The following PTPRK variants were observed in gnomAD, a reference collection of about 807,000 sequenced individuals.
PTPRK encodes receptor-type tyrosine-protein phosphatase kappa.
In PTPRK, 75 loss-of-function variants were observed where a neutral mutation model predicts 178.0. The ratio of observed to expected loss-of-function variants is 0.42; its 90% CI spans 0.35 to 0.51. The LOEUF is 0.51. Ranked by LOEUF, PTPRK falls within the 20% of genes least tolerant of loss-of-function variation. PTPRK has a pLI of 0.02. For missense variants in PTPRK, 1,441 were observed against 1,797.8 expected (o/e 0.80, Z 3.59); for synonymous variants, 637 against 620.6 (o/e 1.03, Z -0.39).
At chr6:127,992,173 C>T (rs1337330397) in intron 19 of PTPRK, among the ~76,000 whole-genome samples, 1 of 151,734 alleles carries the variant, frequency 6.6e-6, no homozygotes, top group Non-Finnish European at 1.5e-5. Context: ...AACAAGATCT[C>T]TCTACTGTCT....
At chr6:128,496,448 G>A (rs1203343345) in intron 1 of PTPRK, among the ~76,000 whole-genome samples, 4 of 152,002 alleles carry the variant, frequency 2.6e-5, no homozygotes, top group Non-Finnish European at 4.4e-5. Flanking sequence ...ATGGTTCCTC[G>A]CAGAATGTTG....
chr6:128,161,840 C>CA (rs1304530249), intron 7 of PTPRK, among the ~76,000 whole-genome samples: 1 of 151,162 alleles, frequency 6.6e-6, no homozygotes, highest in Non-Finnish European at 1.5e-5. Context: ...CAATTTAAAA[C>CA]AAAAAAATAA....
intron 11 of PTPRK, among the ~76,000 whole-genome samples, chr6:128,074,116 G>C (rs973822794): frequency 3.9e-5 from 6 of 151,902 alleles, no homozygotes; most frequent in Non-Finnish European, 5.9e-5. Flanking sequence ...TGGTGGTTTT[G>C]ACTTTATTTC....
intron 3 of PTPRK, among the ~76,000 whole-genome samples, chr6:128,299,098 C>T (rs1032038291): frequency 1.3e-5 from 2 of 152,142 alleles, no homozygotes; most frequent in Non-Finnish European, 2.9e-5. Context: ...AGAGCCAAAT[C>T]ATGAGTGAAC....
chr6:128,236,473 C>T (rs756210618), intron 5 of PTPRK, among the ~76,000 whole-genome samples: 11 of 151,416 alleles, frequency 7.3e-5, no homozygotes, highest in African/African-American at 2.2e-4. Context: ...CTCAGCCTGC[C>T]GAGTAGCTGG....
chr6:128,457,303 A>C (rs1485539283), intron 1 of PTPRK, among the ~76,000 whole-genome samples: 1 of 152,108 alleles, frequency 6.6e-6, no homozygotes, highest in East Asian at 1.9e-4. Context: ...TCTTTTATTC[A>C]CTTGATTATG....
intron 7 of PTPRK, among the ~76,000 whole-genome samples, chr6:128,092,072 T>C (rs1215309139): frequency 6.6e-6 from 1 of 152,194 alleles, no homozygotes; most frequent in Non-Finnish European, 1.5e-5. Flanking sequence ...TAAAAACTCA[T>C]TTAAAATTGG....
chr6:128,088,508 T>A (rs1042967460), intron 8 of PTPRK, among the ~76,000 whole-genome samples: 1 of 152,188 alleles, frequency 6.6e-6, no homozygotes, highest in African/African-American at 2.4e-5. Flanking sequence ...AACTGACTCC[T>A]AATTTAGCTT....
In PTPRK at chr6:127,995,510, G is replaced by C; in HGVS notation, c.2796C>G (p.Pro932=). Residue 932 remains proline (P), a synonymous_variant, in exon 18 of 30, where the codon CCC becomes CCG. Transcript: ENST00000368226. ...AYDHSRVILQ[P]VEDDPSSDYI... The stretch of plus-strand genomic sequence containing the variant: ...AATCTGAGGAAGGATCATCCTCTAC[G>C]GGTTGCAAAATCACTCTGGAGTGAT... The C allele has an allele frequency of 6.3e-7, 1 of 1,597,496 alleles. No homozygotes were observed.
intron 7 of PTPRK, among the ~76,000 whole-genome samples, chr6:128,134,083 AAATAT>A (rs1159399384): frequency 1.3e-5 from 2 of 152,224 alleles, no homozygotes; most frequent in Non-Finnish European, 2.9e-5. Flanking sequence ...AATATCAAAT[AAATAT>A]ATTTACCAAT....
intron 1 of PTPRK, 79 bp from the exon 2 acceptor site, chr6:128,397,767 T>C (rs1210547467): frequency 1.0e-5 from 14 of 1,355,124 alleles, no homozygotes; most frequent in Non-Finnish European, 1.5e-5. Flanking sequence ...GGAAATGTTA[T>C]ATTGATATAT....
chr6:128,053,677 C>T lies in PTPRK; in HGVS notation c.2194+11081G>A, dbSNP rs77649931. Among the ~76,000 whole-genome samples, 1,342 of 152,238 alleles carry T rather than the reference C, an allele frequency of 8.8e-3. 48 individuals are homozygous for T. Among genetic ancestry groups the T allele is most frequent in the East Asian group, 0.054 (277 of 5,156 alleles). On this transcript the variant is annotated intron_variant, in intron 13 of 29. Coordinates refer to ENST00000368226, the MANE Select transcript of PTPRK (RefSeq NM_002844.4). ...ACTTCCCACATGGGGTTGTGCCACC[C>T]ACCGTCCCCATGAAGACAAGCTTCT...
At chr6:128,092,005 A>C (rs1205561930) in intron 7 of PTPRK, among the ~76,000 whole-genome samples, 2 of 152,148 alleles carry the variant, frequency 1.3e-5, no homozygotes, top group African/African-American at 4.8e-5. Context: ...GATTTACTTT[A>C]AGTGATAATT....
intron 11 of PTPRK, 119 bp from the exon 12 acceptor site, chr6:128,067,911 G>A: frequency 1.0e-6 from 1 of 995,810 alleles, no homozygotes; most frequent in Non-Finnish European, 1.4e-6. Flanking sequence ...AGTATTTAAA[G>A]TTAGTCTTAA....
chr6:128,446,015 T>C (rs925920840), intron 1 of PTPRK, among the ~76,000 whole-genome samples: 3 of 151,942 alleles, frequency 2.0e-5, no homozygotes, highest in African/African-American at 7.3e-5. Flanking sequence ...CCAAAAGGCA[T>C]GTTAACTGCA....
At chr6:128,194,382 G>A (rs985875302) in intron 6 of PTPRK, among the ~76,000 whole-genome samples, 6 of 151,964 alleles carry the variant, frequency 3.9e-5, no homozygotes, top group Non-Finnish European at 8.8e-5. Flanking sequence ...CACCGCGCCC[G>A]GCCAATTATA....
At chr6:128,394,569 G>T (rs571079881) in intron 2 of PTPRK, among the ~76,000 whole-genome samples, 1 of 152,218 alleles carries the variant, frequency 6.6e-6, no homozygotes, top group African/African-American at 2.4e-5. Context: ...AGTTAAGTAG[G>T]TGTTCATAAT....
At chr6:128,495,247 AC>A (rs1854485548) in intron 1 of PTPRK, among the ~76,000 whole-genome samples, 1 of 152,166 alleles carries the variant, frequency 6.6e-6, no homozygotes, top group African/African-American at 2.4e-5. Context: ...TGGGGTAAGG[AC>A]CCAGTTGTTT....
chr6:127,979,764 G>C (rs541278264), intron 25 of PTPRK, among the ~76,000 whole-genome samples: 7 of 152,216 alleles, frequency 4.6e-5, no homozygotes, highest in Non-Finnish European at 1.0e-4. Context: ...AGAAAGAAAT[G>C]AACCGTGGCT....
Sources: gnomAD v4.1 joint callset for allele counts (sites outside exome capture counted in the v4.1 genomes callset) on GRCh38, gnomAD v4.1.1 for gene constraint, MANE v1.5 for transcripts, NCBI Gene and HGNC (gene_info 2026-07-23, HGNC 2026-07-21) for gene names.